The following ZNF532 variants were observed in gnomAD, a reference collection of about 807,000 sequenced individuals.
ZNF532 encodes zinc finger protein 532.
Under a neutral mutation model 89.3 loss-of-function variants are expected in ZNF532, and 22 were observed. The observed-to-expected ratio is 0.25, with a 90% CI of 0.18 to 0.35. The LOEUF is 0.35. Ranked by LOEUF, ZNF532 falls within the 10% of genes least tolerant of loss-of-function variation. The pLI is 1.00. For synonymous variants in ZNF532, 606 were observed against 649.6 expected, an observed-to-expected ratio of 0.93 and a Z score of 1.02; for missense variants, 1,132 against 1,643.4, an observed-to-expected ratio of 0.69 and a Z score of 5.38.
intron 2 of ZNF532, among the ~76,000 whole-genome samples, chr18:58,885,236 G>A (rs919821365): frequency 2.0e-5 from 3 of 152,086 alleles, no homozygotes; most frequent in Non-Finnish European, 2.9e-5. Context: ...TGATCTGCCC[G>A]CTTCAGCCTC....
At chr18:58,939,314 C>G (rs1441940930) in intron 4 of ZNF532, 131 bp from the exon 5 acceptor site, 1 of 202,320 alleles carries the variant, frequency 4.9e-6, no homozygotes. Flanking sequence ...AGGAAAAAAA[C>G]TAAAATATAC....
In ZNF532 at chr18:58,920,144, G is replaced by A. The variant is rs372020329; in HGVS notation, c.1857G>A (p.Leu619=). 6.2e-7 allele frequency: 1 copy of A among 1,613,940 alleles called. No homozygotes were observed. The highest frequency in any genetic ancestry group is 8.5e-7 in the Non-Finnish European group (1 of 1,179,856). Residue 619 remains leucine (L), a synonymous_variant, in exon 3 of 10, where the codon TTG becomes TTA. Transcript: ENST00000591808. ...TACCGACGCGTGGGTACAAGTGCTTGGAGTGTGGGGACTCCTTTGCACTTG... is the reference window on the plus strand; with the variant it reads ...TACCGACGCGTGGGTACAAGTGCTTAGAGTGTGGGGACTCCTTTGCACTTG... ...ITLPTRGYKC[L]ECGDSFALEK...
chr18:58,909,283 C>T (rs1389020547), intron 2 of ZNF532, among the ~76,000 whole-genome samples: 1 of 152,082 alleles, frequency 6.6e-6, no homozygotes, highest in Non-Finnish European at 1.5e-5. Context: ...TTTCCTAGAG[C>T]AGGTGAAGGT....
intron 2 of ZNF532, among the ~76,000 whole-genome samples, chr18:58,888,540 G>A (rs1165906319): frequency 3.4e-5 from 5 of 148,964 alleles, no homozygotes; most frequent in Non-Finnish European, 4.4e-5. Flanking sequence ...GCTGGGTGTG[G>A]TGACGCACGC....
At chr18:58,922,704 G>A (rs763337545) in intron 3 of ZNF532, among the ~76,000 whole-genome samples, 10 of 152,198 alleles carry the variant, frequency 6.6e-5, no homozygotes, top group African/African-American at 9.7e-5. Context: ...TGTTGTCTTC[G>A]TGTCTGTGTC....
chr18:58,914,445 G>T (rs980418249), intron 2 of ZNF532, among the ~76,000 whole-genome samples: 2 of 152,254 alleles, frequency 1.3e-5, no homozygotes, highest in African/African-American at 4.8e-5. Context: ...ACTCTGGGAG[G>T]CCGCGGCGGG....
chr18:58,962,377 C>G (rs2065443662), intron 7 of ZNF532, among the ~76,000 whole-genome samples: 1 of 152,226 alleles, frequency 6.6e-6, no homozygotes, highest in Admixed American at 6.5e-5. Context: ...ATTCCATGGA[C>G]TAACCAAGTC....
intron 2 of ZNF532, among the ~76,000 whole-genome samples, chr18:58,874,408 G>A (rs1466545922): frequency 2.0e-5 from 3 of 152,154 alleles, no homozygotes; most frequent in Non-Finnish European, 4.4e-5. Context: ...GCAATGGCGC[G>A]ATCTCGCCTC....
Position 58,880,763 on chromosome 18 carries a change from C to CTGTGTGTGT in ZNF532, c.-18+15184_-18+15185insTGTGTGTGT, listed in dbSNP as rs770638520. ...GAGCCCTCTCATAGGCGCGCGCGCA[C>CTGTGTGTGT]GCGCGCGCGTCTGTGTGTGTGTGTG... On this transcript the variant is annotated intron_variant, in intron 2 of 9. Transcript: ENST00000591808. Among the ~76,000 whole-genome samples the CTGTGTGTGT allele has an allele frequency of 8.4e-3, 1,002 of 119,656 alleles. 25 individuals carry two copies. The highest frequency in any genetic ancestry group is 0.011 in the South Asian group (32 of 2,916). 78.5% of individuals were successfully genotyped at this position (119,656 alleles called of 152,430 possible).
At chr18:58,978,740 G>A (rs954065145) in intron 7 of ZNF532, among the ~76,000 whole-genome samples, 12 of 152,046 alleles carry the variant, frequency 7.9e-5, no homozygotes, top group Non-Finnish European at 1.8e-4. Context: ...TTTGGATCTT[G>A]GAATATTCAA....
chr18:58,901,224 A>G (rs563988750), intron 2 of ZNF532, among the ~76,000 whole-genome samples: 168 of 152,276 alleles, frequency 1.1e-3, no homozygotes, highest in Non-Finnish European at 1.8e-3. Context: ...AGCCCACATC[A>G]GTGGCCTTCG....
intron 7 of ZNF532, 28 bp downstream of exon 7, chr18:58,953,827 G>C (rs1243829777): frequency 6.2e-7 from 1 of 1,600,826 alleles, no homozygotes; most frequent in Non-Finnish European, 8.5e-7. Flanking sequence ...GCTGCTCTGG[G>C]TGAGTGCAAG....
chr18:58,966,620 G>A (rs995000121), intron 7 of ZNF532, among the ~76,000 whole-genome samples: 1 of 151,816 alleles, frequency 6.6e-6, no homozygotes, highest in African/African-American at 2.4e-5. Flanking sequence ...TTCCATTAGG[G>A]ACAGAAAAAT....
intron 6 of ZNF532, among the ~76,000 whole-genome samples, chr18:58,952,325 G>A (rs1199342175): frequency 3.9e-5 from 6 of 152,104 alleles, no homozygotes; most frequent in African/African-American, 1.2e-4. Flanking sequence ...AAGAAGAGAC[G>A]GCCCTATTCA....
chr18:58,979,313 T>C, intron 8 of ZNF532, 146 bp downstream of exon 8: 1 of 516,480 alleles, frequency 1.9e-6, no homozygotes, highest in South Asian at 5.6e-5. Context: ...GCATAGAGTT[T>C]TTGGATTGGG....
At chr18:58,948,526 T>C (rs930344167) in intron 6 of ZNF532, among the ~76,000 whole-genome samples, 1 of 151,898 alleles carries the variant, frequency 6.6e-6, no homozygotes, top group Admixed American at 6.6e-5. Flanking sequence ...TTTTTTAATA[T>C]GTGAAAATGA....
chr18:58,936,744 A>G (rs1054821058), intron 4 of ZNF532, among the ~76,000 whole-genome samples: 1 of 152,246 alleles, frequency 6.6e-6, no homozygotes. Flanking sequence ...CCTTTAGAAG[A>G]GAGGAGCAAT....
chr18:58,973,570 C>T (rs1254978416), intron 7 of ZNF532, among the ~76,000 whole-genome samples: 35 of 152,282 alleles, frequency 2.3e-4, no homozygotes. Context: ...GGTGGGTATG[C>T]AGGGGACAGC....
At chr18:58,942,341 CCCTCCCTCCCTT>C (rs1387811007) in intron 5 of ZNF532, among the ~76,000 whole-genome samples, 23 of 71,662 alleles carry the variant, frequency 3.2e-4, no homozygotes, top group South Asian at 8.5e-4. Flanking sequence ...CTCCCTCCCT[CCCTCCCTCCCTT>C]CCTTCCTTCC....
Sources: allele counts gnomAD v4.1 joint callset (sites outside exome capture counted in the v4.1 genomes callset), GRCh38; gene constraint gnomAD v4.1.1; transcripts MANE v1.5; gene names NCBI Gene and HGNC (gene_info 2026-07-23, HGNC 2026-07-21).